Variants in GRID2 observed in about 807,000 individuals in gnomAD.
The protein encoded by GRID2 is glutamate receptor ionotropic, delta-2.
Under a neutral mutation model 114.8 loss-of-function variants are expected in GRID2, and 33 were observed. That is an observed-to-expected ratio of 0.29 (90% CI 0.22 to 0.38). The LOEUF is 0.38. Among genes scored for constraint, GRID2 ranks in the 10% least tolerant of loss-of-function variants. The probability of loss-of-function intolerance (pLI) is 1.00; values close to 1 mark genes in which losing one functional copy is unlikely to be tolerated. For synonymous variants in GRID2, 505 were observed against 449.9 expected (o/e 1.12, Z -1.55); for missense variants, 1,184 against 1,257.7 (o/e 0.94, Z 0.89).
chr4:92,905,939 A>G (rs1010924381), intron 2 of GRID2, among the ~76,000 whole-genome samples: 1 of 152,180 alleles, frequency 6.6e-6, no homozygotes, highest in Non-Finnish European at 1.5e-5. Context: ...CTTAATATGC[A>G]TATTACTTAA....
chr4:92,637,270 C>A (rs62309167), intron 2 of GRID2, among the ~76,000 whole-genome samples: 8,480 of 151,844 alleles, frequency 0.056, 305 homozygotes, highest in East Asian at 0.16. Context: ...TCATTTTCAT[C>A]TAAGAAGCAT....
chr4:92,492,742 A>G (rs562025727), intron 1 of GRID2, among the ~76,000 whole-genome samples: 193 of 152,244 alleles, frequency 1.3e-3, no homozygotes, highest in Non-Finnish European at 2.3e-3. Context: ...GGTATTAAGG[A>G]GTCATATCTG....
intron 11 of GRID2, among the ~76,000 whole-genome samples, chr4:93,456,961 C>T (rs1723266432): frequency 6.6e-6 from 1 of 152,090 alleles, no homozygotes; most frequent in East Asian, 1.9e-4. Context: ...TCTAAGCTTA[C>T]CTGTTACTGT....
intron 2 of GRID2, among the ~76,000 whole-genome samples, chr4:92,653,125 G>A (rs1200492230): frequency 1.3e-5 from 2 of 149,922 alleles, no homozygotes; most frequent in Non-Finnish European, 3.0e-5. Context: ...AGCCTCTCAA[G>A]TAGCTGGGAT....
intron 10 of GRID2, among the ~76,000 whole-genome samples, chr4:93,434,408 C>T (rs1028325588): frequency 1.3e-5 from 2 of 151,940 alleles, no homozygotes; most frequent in African/African-American, 2.4e-5. Flanking sequence ...ATGTAACAAA[C>T]CTGCACATTG....
intron 3 of GRID2, among the ~76,000 whole-genome samples, chr4:93,105,491 G>A (rs1236666508): frequency 6.6e-6 from 1 of 152,096 alleles, no homozygotes; most frequent in Non-Finnish European, 1.5e-5. Flanking sequence ...TGTATAAGGT[G>A]TAAGGAAGGG....
chr4:92,870,572 T>A (rs1395949637), intron 2 of GRID2, among the ~76,000 whole-genome samples: 1 of 152,122 alleles, frequency 6.6e-6, no homozygotes, highest in African/African-American at 2.4e-5. Flanking sequence ...ATATTTATTT[T>A]AGTTTATTTT....
intron 2 of GRID2, among the ~76,000 whole-genome samples, chr4:92,935,498 C>G (rs1202744896): frequency 6.8e-6 from 1 of 146,572 alleles, no homozygotes; most frequent in Non-Finnish European, 1.5e-5. Context: ...GGATCTAGAA[C>G]TAGAAATACC....
chr4:92,455,077 A>G (rs1409713722), intron 1 of GRID2, among the ~76,000 whole-genome samples: 1 of 152,200 alleles, frequency 6.6e-6, no homozygotes, highest in African/African-American at 2.4e-5. Context: ...TTTATATAGC[A>G]CCGCTGTAAA....
At chr4:92,422,205 A>G (rs1731941466) in intron 1 of GRID2, among the ~76,000 whole-genome samples, 1 of 152,132 alleles carries the variant, frequency 6.6e-6, no homozygotes, top group African/African-American at 2.4e-5. Context: ...AGCAGGTGGG[A>G]AAAAGCTTGG....
intron 1 of GRID2, among the ~76,000 whole-genome samples, chr4:92,441,714 C>G (rs1733095825): frequency 6.6e-6 from 1 of 151,864 alleles, no homozygotes; most frequent in Non-Finnish European, 1.5e-5. Context: ...GGGATATTGG[C>G]ATTGAGTGGG....
At chr4:92,988,752 A>G (rs925248655) in intron 2 of GRID2, among the ~76,000 whole-genome samples, 1 of 152,354 alleles carries the variant, frequency 6.6e-6, no homozygotes, top group Admixed American at 6.5e-5. Context: ...AAATGGATAA[A>G]TTCTAACAAT....
chr4:93,583,265 A>G (rs1208836155), intron 13 of GRID2, among the ~76,000 whole-genome samples: 2 of 152,188 alleles, frequency 1.3e-5, no homozygotes, highest in African/African-American at 4.8e-5. Flanking sequence ...GGGGGGCACT[A>G]TTTAACTCGC....
intron 8 of GRID2, among the ~76,000 whole-genome samples, chr4:93,364,703 T>C (rs1046195512): frequency 6.6e-6 from 1 of 152,104 alleles, no homozygotes. Context: ...AGTCTTGAAT[T>C]TGGGGCCTCG....
At chr4:93,763,091 C>A (rs957387163) in intron 14 of GRID2, among the ~76,000 whole-genome samples, 1 of 152,088 alleles carries the variant, frequency 6.6e-6, no homozygotes, top group South Asian at 2.1e-4. Context: ...TGAACCCAAG[C>A]CCATCCCACC....
chr4:93,183,866 CAAGG>C (rs986099046), intron 4 of GRID2, among the ~76,000 whole-genome samples: 7 of 152,082 alleles, frequency 4.6e-5, no homozygotes, highest in African/African-American at 1.7e-4. Flanking sequence ...AGGTAAGAAA[CAAGG>C]GAGGTAAAAT....
intron 1 of GRID2, among the ~76,000 whole-genome samples, chr4:93,786,307 A>G (rs56787924): frequency 0.025 from 3,835 of 152,250 alleles, 169 homozygotes; most frequent in African/African-American, 0.087. Flanking sequence ...TATGGTGATG[A>G]AGGAGAGGTG....
At chr4:93,447,184 A>G (rs1002996885) in intron 10 of GRID2, among the ~76,000 whole-genome samples, 1 of 152,000 alleles carries the variant, frequency 6.6e-6, no homozygotes, top group African/African-American at 2.4e-5. Context: ...TAATGATAAC[A>G]AAAGCACTAC....
At chr4:93,527,306 A>G (rs1731009395) in intron 13 of GRID2, among the ~76,000 whole-genome samples, 1 of 152,086 alleles carries the variant, frequency 6.6e-6, no homozygotes, top group African/African-American at 2.4e-5. Flanking sequence ...CTTATTTTAA[A>G]TCAATATGTC....
Sources: allele counts gnomAD v4.1 joint callset (sites outside exome capture counted in the v4.1 genomes callset), GRCh38; gene constraint gnomAD v4.1.1; transcripts MANE v1.5; gene names NCBI Gene and HGNC (gene_info 2026-07-23, HGNC 2026-07-21).